The following MAPKAP1 variants were observed in gnomAD, a reference collection of about 807,000 sequenced individuals.
MAPKAP1 encodes MAPK associated protein 1.
MAPKAP1 carries 20 observed loss-of-function variants against 65.7 expected under a neutral mutation model. That is an observed-to-expected ratio of 0.30 (90% CI 0.21 to 0.44). MAPKAP1 has a LOEUF of 0.44. MAPKAP1 is among the 20% of genes least tolerant of loss of function. The pLI is 1.00. For missense variants in MAPKAP1, 423 were observed against 648.0 expected, an observed-to-expected ratio of 0.65 and a Z score of 3.77; for synonymous variants, 222 against 244.3, an observed-to-expected ratio of 0.91 and a Z score of 0.85.
At chr9:125,488,975 G>A (rs1302978058) in intron 8 of MAPKAP1, among the ~76,000 whole-genome samples, 4 of 152,252 alleles carry the variant, frequency 2.6e-5, no homozygotes, top group Admixed American at 1.3e-4. Context: ...GCATGTATAC[G>A]TTTACTGTTT....
chr9:125,706,544 G>A (rs1451087870), intron 1 of MAPKAP1, among the ~76,000 whole-genome samples: 2 of 152,004 alleles, frequency 1.3e-5, no homozygotes, highest in African/African-American at 4.8e-5. Context: ...AGTTCCAGCA[G>A]CACTGTAGCT....
At chr9:125,473,272 C>T (rs1412268420) in intron 9 of MAPKAP1, among the ~76,000 whole-genome samples, 4 of 152,024 alleles carry the variant, frequency 2.6e-5, no homozygotes, top group Middle Eastern at 3.4e-3. Flanking sequence ...GGGGGCTGGC[C>T]GGGAGCAGCC....
At chr9:125,526,778 T>G (rs12349690) in intron 7 of MAPKAP1, among the ~76,000 whole-genome samples, 1 of 151,598 alleles carries the variant, frequency 6.6e-6, no homozygotes, top group African/African-American at 2.4e-5. Context: ...TTTTCTTTTT[T>G]CTTTTTTCTT....
intron 8 of MAPKAP1, among the ~76,000 whole-genome samples, chr9:125,504,436 T>C (rs748900315): frequency 6.6e-5 from 10 of 152,136 alleles, no homozygotes; most frequent in Non-Finnish European, 1.2e-4. Flanking sequence ...TCCTGGTGAA[T>C]TTTGTGCATG....
intron 7 of MAPKAP1, among the ~76,000 whole-genome samples, chr9:125,530,396 C>G (rs1294343542): frequency 6.6e-6 from 1 of 152,134 alleles, no homozygotes; most frequent in Non-Finnish European, 1.5e-5. Flanking sequence ...AAGTATACTT[C>G]CTCTTTTAAA....
At chr9:125,559,858 C>A (rs913840143) in intron 5 of MAPKAP1, 49 bp from the exon 6 acceptor site, 2 of 1,561,014 alleles carry the variant, frequency 1.3e-6, no homozygotes, top group Non-Finnish European at 1.7e-6. Context: ...AGGGAAGGGA[C>A]AAGAAGACCA....
chr9:125,438,371 A>G lies in MAPKAP1; in HGVS notation c.*516T>C, dbSNP rs1445551126. On this transcript the variant is annotated 3_prime_UTR_variant, in exon 12 of 12. Transcript: ENST00000265960. ...AACATTTCTTCTGAGAAATCGAACC[A>G]TAGCTTTTCCAATCTGCCTGTTCAA... The G allele has an allele frequency of 2.5e-6, 1 of 399,146 alleles. No individual in the cohort carries two copies. Among genetic ancestry groups the G allele is most frequent in the Non-Finnish European group, 4.4e-6 (1 of 226,318 alleles). The allele number at this position is 399,146 out of a possible 1,614,324, so 24.7% of individuals were successfully genotyped here. A position where few individuals can be genotyped will look rare whatever the true frequency, so the allele number is the denominator to read the frequency against.
At chr9:125,622,265 T>C (rs190783507) in intron 4 of MAPKAP1, among the ~76,000 whole-genome samples, 2 of 152,232 alleles carry the variant, frequency 1.3e-5, no homozygotes, top group East Asian at 1.9e-4. Context: ...AATGTCAACA[T>C]TGTTACATTG....
chr9:125,622,347 G>T (rs1197347123), intron 4 of MAPKAP1, among the ~76,000 whole-genome samples: 2 of 152,118 alleles, frequency 1.3e-5, no homozygotes, highest in Non-Finnish European at 1.5e-5. Flanking sequence ...TGTGATATTT[G>T]AATTTCTCTG....
At chr9:125,645,832 C>T (rs563013295) in intron 4 of MAPKAP1, among the ~76,000 whole-genome samples, 53 of 152,198 alleles carry the variant, frequency 3.5e-4, no homozygotes, top group African/African-American at 1.3e-3. Context: ...GTCAACTACC[C>T]TCTGCCTACT....
At chr9:125,679,036 C>G (rs561074850) in intron 1 of MAPKAP1, among the ~76,000 whole-genome samples, 1 of 150,038 alleles carries the variant, frequency 6.7e-6, no homozygotes, top group African/African-American at 2.5e-5. Flanking sequence ...GAGTCTCGCA[C>G]TGTCGTCCAG....
chr9:125,601,235 C>T (rs1234741599), intron 4 of MAPKAP1, among the ~76,000 whole-genome samples: 1 of 151,972 alleles, frequency 6.6e-6, no homozygotes, highest in African/African-American at 2.4e-5. Context: ...TCCAACTACC[C>T]CGAGGACAAT....
intron 5 of MAPKAP1, among the ~76,000 whole-genome samples, chr9:125,575,807 T>C (rs1831376939): frequency 6.6e-6 from 1 of 152,200 alleles, no homozygotes. Context: ...TCTTATATCA[T>C]AGGCTTACCA....
intron 9 of MAPKAP1, among the ~76,000 whole-genome samples, chr9:125,474,344 A>G (rs544603664): frequency 3.9e-5 from 6 of 152,292 alleles, no homozygotes; most frequent in African/African-American, 1.4e-4. Flanking sequence ...CAAATCAGGA[A>G]GAATGTTCTC....
intron 1 of MAPKAP1, chr9:125,696,432 A>AC (rs1259516865): frequency 1.3e-5 from 2 of 151,620 alleles, no homozygotes; most frequent in African/African-American, 4.8e-5. Flanking sequence ...CAAAAAAAAA[A>AC]CAAAAAACAA....
chr9:125,691,685 A>G (rs1380817085), intron 1 of MAPKAP1, among the ~76,000 whole-genome samples: 1 of 150,428 alleles, frequency 6.6e-6, no homozygotes, highest in East Asian at 1.9e-4. Context: ...AGAAGCTGGA[A>G]AAAAAAAAAG....
intron 7 of MAPKAP1, among the ~76,000 whole-genome samples, chr9:125,527,003 G>C (rs1829789334): frequency 6.6e-6 from 1 of 151,494 alleles, no homozygotes; most frequent in Non-Finnish European, 1.5e-5. Context: ...TCGATCTCCT[G>C]ACCTCGTGAT....
Position 125,511,287 on chromosome 9 carries a change from G to A in MAPKAP1, c.959-4870C>T, listed in dbSNP as rs534424325. On this transcript the variant is annotated intron_variant, in intron 7 of 11. Transcript: ENST00000265960. Reference sequence around the variant, plus strand: ...CAGGCCCTACTATGTGACAAGTGCTGTGCTAGGTCTTTTATGTACAGATCA... The same window carrying A: ...CAGGCCCTACTATGTGACAAGTGCTATGCTAGGTCTTTTATGTACAGATCA... 9.5e-4 allele frequency among the ~76,000 whole-genome samples: 145 copies of A among 152,274 alleles called. 1 individual carries two copies. The highest frequency in any genetic ancestry group is 3.4e-3 in the Middle Eastern group (1 of 294).
intron 1 of MAPKAP1, among the ~76,000 whole-genome samples, chr9:125,705,296 G>A (rs959268619): frequency 2.6e-5 from 4 of 152,146 alleles, no homozygotes; most frequent in African/African-American, 9.7e-5. Context: ...TACCAGCTGT[G>A]TAATTTATTA....
Sources: allele counts gnomAD v4.1 joint callset (sites outside exome capture counted in the v4.1 genomes callset), GRCh38; gene constraint gnomAD v4.1.1; transcripts MANE v1.5; gene names NCBI Gene and HGNC (gene_info 2026-07-23, HGNC 2026-07-21).